Variants in PTPRD observed in about 807,000 individuals in gnomAD.
The protein encoded by PTPRD is receptor-type tyrosine-protein phosphatase delta.
PTPRD carries 34 observed loss-of-function variants against 214.5 expected under a neutral mutation model. That is an observed-to-expected ratio of 0.16 (90% CI 0.12 to 0.21). The LOEUF (loss-of-function observed/expected upper bound fraction) is 0.21. PTPRD is among the 10% of genes least tolerant of loss of function. The pLI, the probability that PTPRD is intolerant of heterozygous loss-of-function variation, is 1.00. For synonymous variants in PTPRD, 1,128 were observed against 845.7 expected, an observed-to-expected ratio of 1.33 and a Z score of -5.79; for missense variants, 2,545 against 2,398.7, an observed-to-expected ratio of 1.06 and a Z score of -1.27.
chr9:9,690,779 G>A (rs1331196337), intron 7 of PTPRD, among the ~76,000 whole-genome samples: 1 of 151,888 alleles, frequency 6.6e-6, no homozygotes, highest in African/African-American at 2.4e-5. Context: ...GGCTGTAAAT[G>A]TGTGGACTTA....
chr9:9,801,170 G>A (rs191197858), intron 5 of PTPRD, among the ~76,000 whole-genome samples: 3 of 152,072 alleles, frequency 2.0e-5, no homozygotes, highest in Admixed American at 1.3e-4. Flanking sequence ...GGTCTTTTTA[G>A]TGACAAATAT....
intron 5 of PTPRD, among the ~76,000 whole-genome samples, chr9:9,789,796 CA>C (rs774579667): frequency 0.015 from 616 of 40,776 alleles, no homozygotes; most frequent in East Asian, 0.04. Flanking sequence ...AACTCTGTCT[CA>C]AAAAAAAAAA....
intron 3 of PTPRD, among the ~76,000 whole-genome samples, chr9:10,335,563 G>C (rs2096830558): frequency 6.6e-6 from 1 of 151,274 alleles, no homozygotes; most frequent in Non-Finnish European, 1.5e-5. Flanking sequence ...GAACAACAAA[G>C]GCATGATCCA....
intron 7 of PTPRD, among the ~76,000 whole-genome samples, chr9:9,733,672 C>A (rs1447191638): frequency 6.6e-6 from 1 of 152,124 alleles, no homozygotes; most frequent in Non-Finnish European, 1.5e-5. Context: ...TTTCTGCAGT[C>A]CATCAAGTTA....
chr9:8,554,061 G>A (rs1230029424), intron 14 of PTPRD, among the ~76,000 whole-genome samples: 1 of 152,046 alleles, frequency 6.6e-6, no homozygotes, highest in Admixed American at 6.5e-5. Context: ...GGTATTGCAC[G>A]CCTGTAATCC....
chr9:9,997,793 C>G (rs2096180406), intron 4 of PTPRD, among the ~76,000 whole-genome samples: 1 of 151,900 alleles, frequency 6.6e-6, no homozygotes, highest in African/African-American at 2.4e-5. Flanking sequence ...CCCAACATGG[C>G]CAACATGGCA....
At position 10,336,387 on chromosome 9, in the gene PTPRD, G is replaced by A. The variant is rs146748121; in HGVS notation, c.-545+4576C>T. 2.9e-3 allele frequency among the ~76,000 whole-genome samples: 446 copies of A among 151,656 alleles called. 3 individuals are homozygous for A. Among genetic ancestry groups the A allele is most frequent in the Non-Finnish European group, 3.9e-3 (262 of 67,714 alleles). ...CCTAAAGTGACTACCGGAAGGAAAC[G>A]AGCATGAGGATTATGGGTGGGAGTT... On this transcript the variant is annotated intron_variant, in intron 3 of 45. Coordinates refer to ENST00000381196, the MANE Select transcript of PTPRD (RefSeq NM_002839.4).
chr9:8,889,981 T>A (rs917720748), intron 11 of PTPRD, among the ~76,000 whole-genome samples: 1 of 152,148 alleles, frequency 6.6e-6, no homozygotes, highest in Non-Finnish European at 1.5e-5. Context: ...TACCCAGTAG[T>A]GGGATTGCTG....
chr9:8,517,545 G>A (rs10120190), intron 21 of PTPRD, among the ~76,000 whole-genome samples: 22,827 of 152,116 alleles, frequency 0.15, 2,068 homozygotes, highest in East Asian at 0.27. Context: ...AAGAAGTGTC[G>A]TTTTTCTATT....
At chr9:9,857,527 T>A (rs1020090665) in intron 5 of PTPRD, among the ~76,000 whole-genome samples, 2 of 152,216 alleles carry the variant, frequency 1.3e-5, no homozygotes, top group African/African-American at 4.8e-5. Context: ...GGTGCATTTC[T>A]ATCACAGAAG....
chr9:8,423,763 A>G (rs1590038292), intron 35 of PTPRD, among the ~76,000 whole-genome samples: 1 of 152,228 alleles, frequency 6.6e-6, no homozygotes, highest in East Asian at 1.9e-4. Context: ...AATACCAACT[A>G]TCCCCTGTGA....
At chr9:10,073,233 T>G (rs1292281818) in intron 3 of PTPRD, among the ~76,000 whole-genome samples, 1 of 152,046 alleles carries the variant, frequency 6.6e-6, no homozygotes, top group East Asian at 1.9e-4. Flanking sequence ...GATACCAGGA[T>G]GGAATGCAGG....
chr9:10,327,518 A>G lies in PTPRD; in HGVS notation c.-545+13445T>C, dbSNP rs1034899815. On this transcript the variant is annotated intron_variant, in intron 3 of 45. Coordinates refer to ENST00000381196, the MANE Select transcript of PTPRD (RefSeq NM_002839.4). ...AAAAATAACTACCAATTTTTCACCA[A>G]TCTCTAGAATATTCTATATTATATC... 6.6e-5 allele frequency among the ~76,000 whole-genome samples: 10 copies of G among 151,680 alleles called. 1 individual carries two copies. In the South Asian group the frequency reaches 1.9e-3, roughly 28 times the overall value.
intron 9 of PTPRD, among the ~76,000 whole-genome samples, chr9:9,188,084 G>T (rs1282828562): frequency 6.6e-6 from 1 of 151,918 alleles, no homozygotes; most frequent in African/African-American, 2.4e-5. Flanking sequence ...CCTCACCAAA[G>T]GTAAACAAAC....
chr9:9,868,620 C>A (rs568503138), intron 5 of PTPRD, among the ~76,000 whole-genome samples: 1 of 151,540 alleles, frequency 6.6e-6, no homozygotes, highest in Non-Finnish European at 1.5e-5. Flanking sequence ...AATCCCTGAG[C>A]GGGAGAATAC....
At chr9:10,462,293 A>T (rs1304837406) in intron 2 of PTPRD, among the ~76,000 whole-genome samples, 1 of 152,126 alleles carries the variant, frequency 6.6e-6, no homozygotes, top group Non-Finnish European at 1.5e-5. Context: ...AATATTGGTC[A>T]TTTCCTTTTT....
intron 4 of PTPRD, among the ~76,000 whole-genome samples, chr9:9,963,042 T>C (rs1343296219): frequency 6.6e-6 from 1 of 152,070 alleles, no homozygotes; most frequent in African/African-American, 2.4e-5. Context: ...AAAGGTTATC[T>C]GACAAGCCTA....
At chr9:9,348,524 T>C (rs2049817315) in intron 9 of PTPRD, among the ~76,000 whole-genome samples, 1 of 152,034 alleles carries the variant, frequency 6.6e-6, no homozygotes. Flanking sequence ...GGTGAACAAA[T>C]ACTGTGGGTG....
intron 3 of PTPRD, among the ~76,000 whole-genome samples, chr9:10,208,324 C>A (rs997448326): frequency 2.0e-5 from 3 of 152,144 alleles, no homozygotes; most frequent in African/African-American, 7.2e-5. Context: ...GCCATCCTGG[C>A]TAACACGGTG....
Sources: gnomAD v4.1 joint callset for allele counts (sites outside exome capture counted in the v4.1 genomes callset) on GRCh38, gnomAD v4.1.1 for gene constraint, MANE v1.5 for transcripts, NCBI Gene and HGNC (gene_info 2026-07-23, HGNC 2026-07-21) for gene names.